Variants in NKAIN2 observed in about 807,000 individuals in gnomAD.
NKAIN2 encodes the protein sodium/potassium-transporting ATPase subunit beta-1-interacting protein 2.
NKAIN2 carries 14 observed loss-of-function variants against 32.6 expected under a neutral mutation model. The ratio of observed to expected loss-of-function variants is 0.43; its 90% CI spans 0.28 to 0.67. The LOEUF is 0.67. Among genes scored for constraint, NKAIN2 ranks in the 30% least tolerant of loss-of-function variants. NKAIN2 has a pLI of 0.17. For missense variants in NKAIN2, 198 were observed against 258.3 expected (o/e 0.77, Z 1.60); for synonymous variants, 80 against 87.2 (o/e 0.92, Z 0.46).
chr6:124,512,490 A>C (rs947288742), intron 3 of NKAIN2, among the ~76,000 whole-genome samples: 1 of 152,244 alleles, frequency 6.6e-6, no homozygotes, highest in African/African-American at 2.4e-5. Context: ...AAAGAGTAGA[A>C]CAGAAAACCA....
intron 4 of NKAIN2, among the ~76,000 whole-genome samples, chr6:124,759,342 T>C (rs1192600824): frequency 6.6e-6 from 1 of 152,144 alleles, no homozygotes; most frequent in Non-Finnish European, 1.5e-5. Context: ...TGACAAATTT[T>C]TCTAAGCCAC....
chr6:124,522,038 CTG>C (rs1384181596), intron 3 of NKAIN2, among the ~76,000 whole-genome samples: 1 of 152,110 alleles, frequency 6.6e-6, no homozygotes, highest in African/African-American at 2.4e-5. Context: ...GGTATTTGAA[CTG>C]CTTCTTGGCC....
At chr6:124,078,098 T>C (rs1783781710) in intron 1 of NKAIN2, among the ~76,000 whole-genome samples, 1 of 152,190 alleles carries the variant, frequency 6.6e-6, no homozygotes, top group Non-Finnish European at 1.5e-5. Flanking sequence ...TAAAGTATAG[T>C]TCATTTATTG....
At chr6:124,783,732 A>T (rs570744722) in intron 4 of NKAIN2, among the ~76,000 whole-genome samples, 1 of 152,334 alleles carries the variant, frequency 6.6e-6, no homozygotes, top group East Asian at 1.9e-4. Flanking sequence ...TGATATAATC[A>T]CATTTGAATC....
intron 1 of NKAIN2, among the ~76,000 whole-genome samples, chr6:123,859,941 T>G (rs1775717272): frequency 6.6e-6 from 1 of 152,154 alleles, no homozygotes; most frequent in African/African-American, 2.4e-5. Flanking sequence ...TCCACCCGCC[T>G]CAGCCTCCAA....
At chr6:124,220,996 C>T (rs1390105905) in intron 1 of NKAIN2, among the ~76,000 whole-genome samples, 2 of 152,018 alleles carry the variant, frequency 1.3e-5, no homozygotes, top group African/African-American at 2.4e-5. Context: ...GAAATTATAA[C>T]TTGGTGTGAA....
chr6:124,191,009 T>A (rs1284408328), intron 1 of NKAIN2, among the ~76,000 whole-genome samples: 1 of 152,208 alleles, frequency 6.6e-6, no homozygotes, highest in East Asian at 1.9e-4. Context: ...GATGAGCTGA[T>A]ATTGATGCCT....
intron 2 of NKAIN2, among the ~76,000 whole-genome samples, chr6:124,304,678 G>A (rs191934720): frequency 1.3e-5 from 2 of 152,278 alleles, no homozygotes; most frequent in African/African-American, 4.8e-5. Context: ...CACTTTGGGA[G>A]GCCAAGGTGG....
chr6:124,357,191 T>A (rs540916104), intron 3 of NKAIN2, among the ~76,000 whole-genome samples: 1 of 152,288 alleles, frequency 6.6e-6, no homozygotes, highest in South Asian at 2.1e-4. Context: ...GGCTGGGCTC[T>A]GCAGAGCACA....
chr6:124,010,775 T>C (rs1780288554), intron 1 of NKAIN2, among the ~76,000 whole-genome samples: 1 of 152,136 alleles, frequency 6.6e-6, no homozygotes. Context: ...ATTGCTGTAG[T>C]GGTAACATTT....
At chr6:123,821,273 G>C (rs1396073836) in intron 1 of NKAIN2, among the ~76,000 whole-genome samples, 1 of 152,048 alleles carries the variant, frequency 6.6e-6, no homozygotes, top group African/African-American at 2.4e-5. Flanking sequence ...AATGAAAATG[G>C]CTCCTTCATA....
chr6:124,724,984 C>A (rs1362121191), intron 4 of NKAIN2, among the ~76,000 whole-genome samples: 1 of 152,178 alleles, frequency 6.6e-6, no homozygotes, highest in Non-Finnish European at 1.5e-5. Flanking sequence ...CATAAAATTA[C>A]AATGATTTCA....
intron 4 of NKAIN2, among the ~76,000 whole-genome samples, chr6:124,738,889 T>A (rs975711652): frequency 2.0e-5 from 3 of 151,958 alleles, no homozygotes; most frequent in Non-Finnish European, 4.4e-5. Context: ...TTACACACAT[T>A]AGCAATTATT....
chr6:123,923,026 G>C (rs1389162687), intron 1 of NKAIN2, among the ~76,000 whole-genome samples: 3 of 152,042 alleles, frequency 2.0e-5, no homozygotes, highest in African/African-American at 7.3e-5. Context: ...TGTGGAGTAA[G>C]CTCAGGCAAG....
intron 1 of NKAIN2, among the ~76,000 whole-genome samples, chr6:123,911,049 A>G (rs1582762344): frequency 6.6e-6 from 1 of 152,080 alleles, no homozygotes; most frequent in South Asian, 2.1e-4. Context: ...TGAAATGTTG[A>G]TCAGACTTTT....
At chr6:124,342,993 C>CCCCCCCG (rs1798211778) in intron 2 of NKAIN2, among the ~76,000 whole-genome samples, 1 of 117,042 alleles carries the variant, frequency 8.5e-6, no homozygotes, top group Non-Finnish European at 1.7e-5. Flanking sequence ...CCCCCCACCC[C>CCCCCCCG]ACAACAGTCC....
In NKAIN2 at chr6:124,604,771, T is replaced by G. The variant is rs138005279; in HGVS notation, c.274-53415T>G. 5.7e-3 allele frequency among the ~76,000 whole-genome samples: 871 copies of G among 152,080 alleles called. 2 individuals are homozygous for G. The highest frequency in any genetic ancestry group is 9.6e-3 in the Non-Finnish European group (651 of 67,912). ...GCTCCCAGTTACTTTATTCTTTGCATGTAATGCTGTAGGAAATCTGTTGGT... is the reference window on the plus strand; with the variant it reads ...GCTCCCAGTTACTTTATTCTTTGCAGGTAATGCTGTAGGAAATCTGTTGGT... On this transcript the variant is annotated intron_variant, in intron 3 of 6. Transcript: ENST00000368417.
chr6:124,564,236 A>G (rs753549650), intron 3 of NKAIN2, among the ~76,000 whole-genome samples: 2 of 151,738 alleles, frequency 1.3e-5, no homozygotes, highest in Non-Finnish European at 2.9e-5. Context: ...AAATGCACCA[A>G]TCAGCACTCT....
In NKAIN2 at chr6:124,479,224, G is replaced by A. The variant is rs115200464; in HGVS notation, c.273+123877G>A. 1.2e-3 allele frequency among the ~76,000 whole-genome samples: 184 copies of A among 152,128 alleles called. 1 individual carries two copies. Among genetic ancestry groups the A allele is most frequent in the African/African-American group, 4.2e-3 (176 of 41,514 alleles). ...CCCTGGAACATAAAAAGAATAGTAGGTAAAAACTAAGGAAATCTGAATAAA... is the reference window on the plus strand; with the variant it reads ...CCCTGGAACATAAAAAGAATAGTAGATAAAAACTAAGGAAATCTGAATAAA... On this transcript the variant is annotated intron_variant, in intron 3 of 6. Transcript: ENST00000368417.
Sources: gnomAD v4.1 joint callset for allele counts (sites outside exome capture counted in the v4.1 genomes callset) on GRCh38, gnomAD v4.1.1 for gene constraint, MANE v1.5 for transcripts, NCBI Gene and HGNC (gene_info 2026-07-23, HGNC 2026-07-21) for gene names.